Variants in HIVEP1 observed in about 807,000 individuals in gnomAD.
The protein encoded by HIVEP1 is zinc finger protein 40.
Under a neutral mutation model 180.0 loss-of-function variants are expected in HIVEP1, and 36 were observed. The observed-to-expected ratio is 0.20, with a 90% confidence interval of 0.15 to 0.26. HIVEP1 has a LOEUF of 0.26. HIVEP1 is among the 10% of genes least tolerant of loss of function. The pLI, the probability that HIVEP1 is intolerant of heterozygous loss-of-function variation, is 1.00. For missense variants in HIVEP1, 3,143 were observed against 3,268.7 expected, an observed-to-expected ratio of 0.96 and a Z score of 0.94; for synonymous variants, 1,239 against 1,239.0, an observed-to-expected ratio of 1.00 and a Z score of 0.00.
chr6:12,183,685 T>A, the HIVEP1 span, among the ~76,000 whole-genome samples: 1 of 151,862 alleles, frequency 6.6e-6, no homozygotes, highest in Non-Finnish European at 1.5e-5. Context: ...TTCAACTCAT[T>A]TTTGGATTCG....
chr6:12,051,474 T>A (rs1363786571), intron 2 of HIVEP1, among the ~76,000 whole-genome samples: 1 of 152,170 alleles, frequency 6.6e-6, no homozygotes, highest in African/African-American at 2.4e-5. Flanking sequence ...CTCCAGTAAG[T>A]AACCATTTAA....
downstream of HIVEP1, among the ~76,000 whole-genome samples, chr6:12,168,209 T>TCTATATTATATAGATATACGTGTATATAC (rs1760796081): frequency 3.0e-5 from 3 of 100,916 alleles, 1 homozygote; most frequent in Non-Finnish European, 5.9e-5. Context: ...TATACATATA[T>TCTATATTATATAGATATACGTGTATATAC]ACATATATAC....
Position 12,016,255 on chromosome 6 carries a change from C to T in HIVEP1, c.40+587C>T, listed in dbSNP as rs78704669. Among the ~76,000 whole-genome samples, 550 of 152,090 alleles carry T rather than the reference C, an allele frequency of 3.6e-3. 8 individuals carry two copies. The East Asian group carries it at 0.049, about 13-fold the overall frequency. On this transcript the variant is annotated intron_variant, in intron 2 of 8. Transcript: ENST00000379388. ...AAAAGTGTGTGTTTTCCATCAACCG[C>T]GAATACTTTTAATAGTAGAAAAGTA...
chr6:12,051,935 A>G (rs1344130757), intron 2 of HIVEP1, among the ~76,000 whole-genome samples: 1 of 152,226 alleles, frequency 6.6e-6, no homozygotes, highest in Non-Finnish European at 1.5e-5. Context: ...CAGATGAGTT[A>G]TAGGAGGAAC....
At chr6:12,032,384 C>T (rs377369307) in intron 2 of HIVEP1, among the ~76,000 whole-genome samples, 5 of 151,988 alleles carry the variant, frequency 3.3e-5, no homozygotes, top group Admixed American at 6.6e-5. Flanking sequence ...CCTTGTGATC[C>T]GCCCGCCTCA....
At chr6:12,132,084 A>C (rs901899186) in intron 6 of HIVEP1, among the ~76,000 whole-genome samples, 4 of 152,166 alleles carry the variant, frequency 2.6e-5, no homozygotes, top group African/African-American at 9.6e-5. Context: ...ATTTCAAAAA[A>C]GTTTCAAGAA....
At chr6:12,069,261 G>A (rs1200819943) in intron 2 of HIVEP1, among the ~76,000 whole-genome samples, 1 of 152,108 alleles carries the variant, frequency 6.6e-6, no homozygotes, top group Admixed American at 6.5e-5. Context: ...AGTGGTATTT[G>A]TGTATCTAAA....
At chr6:12,067,053 G>A (rs1343055419) in intron 2 of HIVEP1, among the ~76,000 whole-genome samples, 2 of 152,050 alleles carry the variant, frequency 1.3e-5, no homozygotes, top group African/African-American at 4.8e-5. Context: ...AGCAGATTTG[G>A]TGGTACATTT....
At chr6:12,084,284 C>T (rs1227258025) in intron 2 of HIVEP1, among the ~76,000 whole-genome samples, 1 of 152,100 alleles carries the variant, frequency 6.6e-6, no homozygotes, top group Admixed American at 6.6e-5. Context: ...TTTTCACTTA[C>T]TGCAGGCAGT....
At chr6:12,168,100 C>CGT (rs1562024471), downstream of HIVEP1, among the ~76,000 whole-genome samples, 308 of 19,866 alleles carry the variant, frequency 0.016, 86 homozygotes, top group African/African-American at 0.042. Context: ...TACACATACA[C>CGT]GTATATATGT....
At chr6:12,178,936 A>C in the HIVEP1 span, among the ~76,000 whole-genome samples, 1 of 152,242 alleles carries the variant, frequency 6.6e-6, no homozygotes, top group Non-Finnish European at 1.5e-5. Flanking sequence ...AGATAGATGG[A>C]TGGATCTCCA....
downstream of HIVEP1, among the ~76,000 whole-genome samples, chr6:12,167,443 A>T (rs1581822998): frequency 6.6e-6 from 1 of 150,952 alleles, no homozygotes; most frequent in East Asian, 1.9e-4. Context: ...CATGTATATC[A>T]CCTTAAGAAT....
chr6:12,120,942 G>T lies in HIVEP1; in HGVS notation c.1147G>T (p.Val383Phe). The T allele has an allele frequency of 6.2e-7, 1 of 1,614,116 alleles. No homozygotes were observed. The highest frequency in any genetic ancestry group is 8.5e-7 in the Non-Finnish European group (1 of 1,180,038). The change falls in exon 4 of 9, where the codon GTT (valine) becomes TTT (phenylalanine). Residue 383 changes from valine to phenylalanine, a missense_variant. Transcript: ENST00000379388. ...TAATTCAACTCATGTTGCCTCTGTT[G>T]TTAATCAAAGCGTAGAGCAAATGTG... ...IYNSTHVASV[V>F]NQSVEQMCNL...
chr6:12,030,963 T>G (rs967418081), intron 2 of HIVEP1, among the ~76,000 whole-genome samples: 1 of 152,246 alleles, frequency 6.6e-6, no homozygotes, highest in Non-Finnish European at 1.5e-5. Flanking sequence ...GGACTAAATA[T>G]GTGAAGGCTA....
At chr6:12,018,641 G>C (rs1055910448) in intron 2 of HIVEP1, among the ~76,000 whole-genome samples, 1 of 152,208 alleles carries the variant, frequency 6.6e-6, no homozygotes, top group African/African-American at 2.4e-5. Flanking sequence ...TTGGGGTGAA[G>C]CAGAATGATG....
chr6:12,055,571 A>G (rs1770818524), intron 2 of HIVEP1, among the ~76,000 whole-genome samples: 1 of 152,222 alleles, frequency 6.6e-6, no homozygotes, highest in Non-Finnish European at 1.5e-5. Flanking sequence ...AAACCGGAGG[A>G]TACAATATGG....
downstream of HIVEP1, among the ~76,000 whole-genome samples, chr6:12,167,606 G>GTTATATATACATT (rs1760740797): frequency 8.8e-6 from 1 of 113,974 alleles, no homozygotes; most frequent in African/African-American, 2.9e-5. Flanking sequence ...ATATATACAT[G>GTTATATATACATT]TTATATTACA....
At position 12,120,275 on chromosome 6, in the gene HIVEP1, T is replaced by G. The variant is rs748597092; in HGVS notation, c.480T>G (p.Asp160Glu). 1 of 1,614,198 alleles carries G rather than the reference T, an allele frequency of 6.2e-7. No individual in the cohort carries two copies. The highest frequency in any genetic ancestry group is 1.1e-5 in the South Asian group (1 of 91,072). ...GADPAKFSDL[D>E]EQCDSSSLSS... ...ATCCTGCCAAATTCAGTGACCTCGA[T>G]GAACAATGTGACTCAAGTTCCTTGT... Residue 160 changes from aspartate (D) to glutamate (E), a missense_variant, in exon 4 of 9, where the codon GAT (aspartate) becomes GAG (glutamate). By Grantham distance (45) the Asp-to-Glu change is conservative. Around this residue, in one of 12 missense-constraint regions of HIVEP1, gnomAD observed 306 missense variants for 310.6 expected, o/e 0.99. Coordinates refer to ENST00000379388, the MANE Select transcript of HIVEP1 (RefSeq NM_002114.4).
chr6:12,008,129 T>C (rs1045373723), upstream of HIVEP1: 9 of 152,312 alleles, frequency 5.9e-5, no homozygotes, highest in African/African-American at 1.9e-4. Context: ...TGTCTGCTAG[T>C]GTCCAGACAA....
Sources: allele counts gnomAD v4.1 joint callset (sites outside exome capture counted in the v4.1 genomes callset), GRCh38; gene constraint gnomAD v4.1.1; regional missense constraint gnomAD v4.1.1; transcripts MANE v1.5; gene names NCBI Gene and HGNC (gene_info 2026-07-23, HGNC 2026-07-21).